SETD2: variants seen among roughly 807,000 people sequenced by gnomAD.
SETD2 encodes the protein SET domain containing 2, histone lysine methyltransferase.
Under a neutral mutation model 242.1 loss-of-function variants are expected in SETD2, and 31 were observed. That is an observed-to-expected ratio of 0.13 (90% CI 0.10 to 0.17). SETD2 has a LOEUF of 0.17. SETD2 is among the 10% of genes least tolerant of loss of function. SETD2 has a pLI of 1.00. For synonymous variants in SETD2, 1,006 were observed against 1,066.5 expected, an observed-to-expected ratio of 0.94 and a Z score of 1.11; for missense variants, 2,481 against 3,046.3, an observed-to-expected ratio of 0.81 and a Z score of 4.37.
chr3:47,118,636 C>A (rs1289525626), intron 3 of SETD2, among the ~76,000 whole-genome samples: 1 of 150,552 alleles, frequency 6.6e-6, no homozygotes, highest in African/African-American at 2.4e-5. Flanking sequence ...CTGCACTCCA[C>A]CCTGGGAGAC....
chr3:47,157,581 A>G (rs1398399729), intron 1 of SETD2: 1 of 455,758 alleles, frequency 2.2e-6, no homozygotes, highest in Non-Finnish European at 4.4e-6. Flanking sequence ...TACTAACAAT[A>G]AAAGAACTGA....
Position 47,106,493 on chromosome 3 carries a change from T to TAAAAAAAAAAA in SETD2, c.4716-384_4716-374dup, listed in dbSNP as rs766455577. ...CTGAAAAGTTAGAGGATTTTTGCTC[T>TAAAAAAAAAAA]AAAAAAAAAAAAAAAAAAAAAAAAA... is the stretch of plus-strand genomic sequence containing the variant. On this transcript the variant is annotated intron_variant, in intron 5 of 20. Coordinates refer to ENST00000409792, the MANE Select transcript of SETD2 (RefSeq NM_014159.7). Among the ~76,000 whole-genome samples the TAAAAAAAAAAA allele has an allele frequency of 3.3e-4, 19 of 57,262 alleles. 2 individuals carry two copies. Among genetic ancestry groups the TAAAAAAAAAAA allele is most frequent in the African/African-American group, 1.1e-3 (16 of 14,918 alleles). The allele number at this position is 57,262 out of a possible 152,430, so 37.6% of individuals were successfully genotyped here. A position where few individuals can be genotyped will look rare whatever the true frequency, so the allele number is the denominator to read the frequency against.
chr3:47,066,930 T>C, intron 13 of SETD2, 140 bp downstream of exon 13: 2 of 636,106 alleles, frequency 3.1e-6, no homozygotes, highest in South Asian at 4.7e-5. Context: ...TTCCAAACTT[T>C]TACACCAAAT....
rs1346555298 is a variant in SETD2 at position 47,123,189 on chromosome 3, G to C, written c.1447C>G (p.Leu483Val). Residue 483 changes from leucine to valine, a missense_variant, in exon 3 of 21, where the codon CTA (leucine) becomes GTA (valine). Coordinates refer to ENST00000409792, the MANE Select transcript of SETD2 (RefSeq NM_014159.7). ...TSSHSSSYRD[L>V]RTSSYSKSDR... ...GATTTAGAATAGGATGATGTCCTTAGGTCTCTGTAAGAAGAGGAATGAGAT... is the reference window on the plus strand; with the variant it reads ...GATTTAGAATAGGATGATGTCCTTACGTCTCTGTAAGAAGAGGAATGAGAT... The C allele has an allele frequency of 3.8e-6, 6 of 1,595,544 alleles. No homozygotes were observed. The African/African-American group carries it at 5.4e-5, about 14-fold the overall frequency.
At chr3:47,161,988 TCTA>T (rs1697500930) in intron 1 of SETD2, among the ~76,000 whole-genome samples, 1 of 151,926 alleles carries the variant, frequency 6.6e-6, no homozygotes, top group African/African-American at 2.4e-5. Flanking sequence ...GCAGTGGATT[TCTA>T]CTACATTAAA....
At chr3:47,056,676 T>C (rs375454941) in intron 15 of SETD2, 145 bp downstream of exon 15, 2 of 662,884 alleles carry the variant, frequency 3.0e-6, no homozygotes, top group East Asian at 5.5e-5. Context: ...TCTGGCAATA[T>C]TTCACACAAT....
chr3:47,156,325 A>G (rs2044126922), intron 1 of SETD2, among the ~76,000 whole-genome samples: 1 of 152,232 alleles, frequency 6.6e-6, no homozygotes, highest in African/African-American at 2.4e-5. Flanking sequence ...AAAATGACTG[A>G]GAAGATCTGG....
chr3:47,086,133 T>G, intron 11 of SETD2, 62 bp downstream of exon 11: 1 of 1,577,646 alleles, frequency 6.3e-7, no homozygotes, highest in Non-Finnish European at 8.7e-7. Context: ...TTATCACATA[T>G]CCACAACCGA....
intron 18 of SETD2, among the ~76,000 whole-genome samples, chr3:47,030,081 G>A (rs750734096): frequency 1.1e-4 from 17 of 151,906 alleles, no homozygotes; most frequent in Middle Eastern, 3.4e-3. Context: ...CCTGGGAAGC[G>A]GAGGTTGCAG....
intron 15 of SETD2, chr3:47,047,007 G>T (rs2039562549): frequency 6.5e-6 from 1 of 154,770 alleles, no homozygotes; most frequent in Non-Finnish European, 1.4e-5. Flanking sequence ...ATGCCACGCT[G>T]CTCTTTTCAG....
At chr3:47,024,483 TAAAC>T (rs763114994) in intron 18 of SETD2, among the ~76,000 whole-genome samples, 24 of 148,376 alleles carry the variant, frequency 1.6e-4, no homozygotes, top group African/African-American at 2.3e-4. Flanking sequence ...AATAAACAAA[TAAAC>T]AAACAAACAA....
Position 47,163,975 on chromosome 3 carries a change from C to G in SETD2, c.-51G>C, listed in dbSNP as rs2106869246. 2.4e-6 allele frequency: 3 copies of G among 1,259,936 alleles called. No individual in the cohort carries two copies. The highest frequency in any genetic ancestry group is 3.7e-5 in the South Asian group (1 of 27,282). The allele number at this position is 1,259,936 out of a possible 1,614,324, so 78.0% of individuals were successfully genotyped here. A position where few individuals can be genotyped will look rare whatever the true frequency, so the allele number is the denominator to read the frequency against. On this transcript the variant is annotated 5_prime_UTR_variant, in exon 1 of 21. Coordinates refer to ENST00000409792, the MANE Select transcript of SETD2 (RefSeq NM_014159.7). ...GAGCCCCCTCCCCGCAGCAGGGCGA[C>G]GCGGGGGAGGGGAGGGGAGGAGGCC...
chr3:47,089,630 T>A (rs2041713086), intron 9 of SETD2, among the ~76,000 whole-genome samples: 1 of 152,186 alleles, frequency 6.6e-6, no homozygotes. Flanking sequence ...AAAGGTTATT[T>A]CCAGCCCTGC....
intron 10 of SETD2, 132 bp downstream of exon 10, chr3:47,087,981 A>C: frequency 1.0e-6 from 1 of 999,584 alleles, no homozygotes; most frequent in East Asian, 2.8e-5. Flanking sequence ...ACAAACAAAC[A>C]AACAAACAAA....
At position 47,152,736 on chromosome 3, in the gene SETD2, G is replaced by T. The variant is rs187817884; in HGVS notation, c.71+11118C>A. 8.6e-3 allele frequency among the ~76,000 whole-genome samples: 1,302 copies of T among 152,150 alleles called. 10 individuals are homozygous for T. The highest frequency in any genetic ancestry group is 0.044 in the Middle Eastern group (13 of 294). ...TCCAACCACACTTGGCAGGGAAGTGGGCCACAGGAAGAACTACAATTGGAA... is the reference window on the plus strand; with the variant it reads ...TCCAACCACACTTGGCAGGGAAGTGTGCCACAGGAAGAACTACAATTGGAA... On this transcript the variant is annotated intron_variant, in intron 1 of 20. Transcript: ENST00000409792.
In SETD2 at chr3:47,124,194, G is replaced by A. The variant is rs2106722291; in HGVS notation, c.442C>T (p.Leu148=). 1.3e-6 allele frequency: 2 copies of A among 1,551,878 alleles called. No homozygotes were observed. Among genetic ancestry groups the A allele is most frequent in the Non-Finnish European group, 1.7e-6 (2 of 1,147,022 alleles). The change falls in exon 3 of 21, where the codon CTG becomes TTG. Residue 148 remains leucine (L), a synonymous_variant. Coordinates refer to ENST00000409792, the MANE Select transcript of SETD2 (RefSeq NM_014159.7). ...AGTGGCCTGGATGTTACATGAAGCA[G>A]ATGTTTCTTAAAATGAATTTTGCCC... The part of the protein sequence containing the change: ...ELGKIHFKKH[L]LHVTSRPLLA...
rs2106639583 is a variant in SETD2 at position 47,121,078 on chromosome 3, T to C, written c.3558A>G (p.Ser1186=). The change falls in exon 3 of 21, where the codon TCA becomes TCG. Residue 1186 remains serine, a synonymous_variant. Coordinates refer to ENST00000409792, the MANE Select transcript of SETD2 (RefSeq NM_014159.7). ...VKSDPLGHPN[S]EETVKAKIPS... ...GTATTTTGGCTTTCACGGTTTCCTC[T>C]GAATTTGGGTGACCCAGAGGGTCAG... The C allele has an allele frequency of 6.2e-7, 1 of 1,614,106 alleles. No homozygotes were observed. The highest frequency in any genetic ancestry group is 8.5e-7 in the Non-Finnish European group (1 of 1,180,004).
chr3:47,056,292 T>A lies in SETD2; in HGVS notation c.6963+529A>T, dbSNP rs893898928. ...GGCATGAGCCACCATGGCCGGCTAATTTTTTTTATTTTTTAGTAGAGATGG... is the reference window on the plus strand; with the variant it reads ...GGCATGAGCCACCATGGCCGGCTAAATTTTTTTATTTTTTAGTAGAGATGG... On this transcript the variant is annotated intron_variant, in intron 15 of 20. Transcript: ENST00000409792. 3.3e-5 allele frequency among the ~76,000 whole-genome samples: 5 copies of A among 151,188 alleles called. 1 individual carries two copies. Among genetic ancestry groups the A allele is most frequent in the African/African-American group, 1.2e-4 (5 of 41,144 alleles).
intron 1 of SETD2, among the ~76,000 whole-genome samples, chr3:47,128,966 G>C (rs927397304): frequency 1.3e-5 from 2 of 152,138 alleles, no homozygotes; most frequent in African/African-American, 4.8e-5. Flanking sequence ...CGAAATGCTA[G>C]AAATACAAAA....
Sources: allele counts gnomAD v4.1 joint callset (sites outside exome capture counted in the v4.1 genomes callset), GRCh38; gene constraint gnomAD v4.1.1; transcripts MANE v1.5; gene names NCBI Gene and HGNC (gene_info 2026-07-23, HGNC 2026-07-21).